Variants in THSD7B observed in about 807,000 individuals in gnomAD.
THSD7B encodes thrombospondin type 1 domain containing 7B, also known as thrombospondin type-1 domain-containing protein 7B.
THSD7B carries 138 observed loss-of-function variants against 213.6 expected under a neutral mutation model. The observed-to-expected ratio is 0.65, with a 90% CI of 0.56 to 0.74. THSD7B has a LOEUF of 0.74. THSD7B is among the 30% of genes least tolerant of loss of function. THSD7B has a pLI of 0.00. For synonymous variants in THSD7B, 742 were observed against 687.0 expected (o/e 1.08, Z -1.25); for missense variants, 1,931 against 1,991.5 (o/e 0.97, Z 0.58).
At chr2:137,589,142 T>C (rs979145785) in intron 17 of THSD7B, among the ~76,000 whole-genome samples, 3 of 152,202 alleles carry the variant, frequency 2.0e-5, no homozygotes, top group Non-Finnish European at 2.9e-5. Flanking sequence ...GCGGATACTT[T>C]CCTGCCATTT....
chr2:136,956,698 G>C (rs1380127076), intron 2 of THSD7B, among the ~76,000 whole-genome samples: 1 of 100,684 alleles, frequency 9.9e-6, no homozygotes, highest in Non-Finnish European at 2.0e-5. Flanking sequence ...TTTTTTTTTT[G>C]AGACAGAGTC....
intron 15 of THSD7B, among the ~76,000 whole-genome samples, chr2:137,462,769 T>C (rs1030226882): frequency 6.6e-5 from 9 of 135,390 alleles, no homozygotes; most frequent in African/African-American, 3.0e-4. Flanking sequence ...GTAAACCTTA[T>C]TTTACTTAAA....
chr2:137,389,545 C>A (rs1395029963), intron 12 of THSD7B, among the ~76,000 whole-genome samples: 1 of 145,450 alleles, frequency 6.9e-6, no homozygotes, highest in East Asian at 2.1e-4. Flanking sequence ...TGATTGTTTT[C>A]TTTGCTGTGC....
intron 7 of THSD7B, among the ~76,000 whole-genome samples, chr2:137,206,826 G>C (rs1244548624): frequency 6.6e-6 from 1 of 152,066 alleles, no homozygotes; most frequent in Non-Finnish European, 1.5e-5. Flanking sequence ...ATGAATGAAA[G>C]CAGAATAATA....
intron 2 of THSD7B, among the ~76,000 whole-genome samples, chr2:137,049,988 G>A (rs1479471202): frequency 1.3e-5 from 2 of 152,158 alleles, no homozygotes; most frequent in Admixed American, 6.5e-5. Flanking sequence ...ACTGGATTGG[G>A]TGTGTGTAAA....
intron 12 of THSD7B, among the ~76,000 whole-genome samples, chr2:137,392,784 C>T (rs1381528605): frequency 6.6e-6 from 1 of 152,040 alleles, no homozygotes; most frequent in Non-Finnish European, 1.5e-5. Context: ...TATTTACATT[C>T]AAGTTAATAC....
chr2:137,204,205 C>T (rs1471394347), intron 7 of THSD7B, among the ~76,000 whole-genome samples: 1 of 152,022 alleles, frequency 6.6e-6, no homozygotes, highest in Non-Finnish European at 1.5e-5. Flanking sequence ...TTTAGAGTGA[C>T]ACTTTTATTT....
intron 2 of THSD7B, among the ~76,000 whole-genome samples, chr2:136,960,669 A>T (rs1459954536): frequency 6.6e-6 from 1 of 152,206 alleles, no homozygotes; most frequent in African/African-American, 2.4e-5. Flanking sequence ...CTATCCAACA[A>T]GATTCCCTTC....
chr2:137,531,922 G>A (rs1019877483), intron 15 of THSD7B, among the ~76,000 whole-genome samples: 1 of 151,938 alleles, frequency 6.6e-6, no homozygotes, highest in Non-Finnish European at 1.5e-5. Context: ...TTCCTCACAG[G>A]AGGAATGAGC....
At chr2:136,879,448 G>A (rs1328878083) in intron 1 of THSD7B, among the ~76,000 whole-genome samples, 1 of 152,192 alleles carries the variant, frequency 6.6e-6, no homozygotes, top group Non-Finnish European at 1.5e-5. Context: ...TTCCAAGTCT[G>A]TGAAGAAAGT....
chr2:137,593,418 A>C (rs535735454), intron 17 of THSD7B, among the ~76,000 whole-genome samples: 1 of 152,116 alleles, frequency 6.6e-6, no homozygotes, highest in African/African-American at 2.4e-5. Context: ...ATACAACCTC[A>C]TCAACATTTG....
intron 1 of THSD7B, among the ~76,000 whole-genome samples, chr2:136,834,270 GCA>G (rs990761830): frequency 9.8e-5 from 15 of 152,290 alleles, no homozygotes; most frequent in African/African-American, 3.6e-4. Flanking sequence ...GGTTGTTCTT[GCA>G]CAGTCTTTCT....
At chr2:137,029,637 C>T (rs1686626186) in intron 2 of THSD7B, among the ~76,000 whole-genome samples, 1 of 151,880 alleles carries the variant, frequency 6.6e-6, no homozygotes. Context: ...GTAGAATATC[C>T]CAATATGTAT....
At chr2:137,197,942 ACT>A (rs1332360393) in intron 7 of THSD7B, among the ~76,000 whole-genome samples, 2 of 152,032 alleles carry the variant, frequency 1.3e-5, no homozygotes. Context: ...TTCCGCACAC[ACT>A]CATGCACACG....
intron 17 of THSD7B, among the ~76,000 whole-genome samples, chr2:137,607,610 T>A (rs1032997839): frequency 6.6e-6 from 1 of 152,184 alleles, no homozygotes; most frequent in East Asian, 1.9e-4. Flanking sequence ...CATTTGAGGA[T>A]CATATCTCTT....
At chr2:137,222,631 A>G (rs928998111) in intron 7 of THSD7B, among the ~76,000 whole-genome samples, 1 of 152,176 alleles carries the variant, frequency 6.6e-6, no homozygotes, top group Non-Finnish European at 1.5e-5. Context: ...CATGCACTGG[A>G]AAAATTTGGA....
At chr2:137,552,100 G>T (rs1293924547) in intron 15 of THSD7B, among the ~76,000 whole-genome samples, 1 of 152,140 alleles carries the variant, frequency 6.6e-6, no homozygotes, top group African/African-American at 2.4e-5. Context: ...GCCTGCTCTT[G>T]CTTTAAACAT....
chr2:137,454,809 G>A lies in THSD7B; in HGVS notation c.3138+3786G>A, dbSNP rs149041984. 7.6e-4 allele frequency among the ~76,000 whole-genome samples: 116 copies of A among 151,874 alleles called. 2 individuals carry two copies. The East Asian group carries it at 0.011, about 14-fold the overall frequency. On this transcript the variant is annotated intron_variant, in intron 15 of 27. Coordinates refer to ENST00000409968, the MANE Select transcript of THSD7B (RefSeq NM_001316349.2). ...TTTTACTGCTAGCTTTAGGTTATTC[G>A]TCTCCTGTCCAATTTGTTTCAGTTT...
At chr2:137,179,166 T>C (rs1023311426) in intron 7 of THSD7B, among the ~76,000 whole-genome samples, 1 of 152,140 alleles carries the variant, frequency 6.6e-6, no homozygotes, top group Non-Finnish European at 1.5e-5. Flanking sequence ...CAACCCAACC[T>C]TTCAGTGAGA....
Sources: allele counts gnomAD v4.1 joint callset (sites outside exome capture counted in the v4.1 genomes callset), GRCh38; gene constraint gnomAD v4.1.1; transcripts MANE v1.5; gene names NCBI Gene and HGNC (gene_info 2026-07-23, HGNC 2026-07-21).